DYNC2H1: variants seen among roughly 807,000 people sequenced by gnomAD.
DYNC2H1 encodes the protein cytoplasmic dynein 2 heavy chain 1.
A neutral mutation model predicts 570.0 loss-of-function variants in DYNC2H1; 410 were observed. The observed-to-expected ratio is 0.72, with a 90% CI of 0.66 to 0.78. The LOEUF (loss-of-function observed/expected upper bound fraction) is 0.78, where lower values mean the gene tolerates loss of function less well. DYNC2H1 is among the 30% of genes least tolerant of loss of function. DYNC2H1 has a pLI of 0.00. For missense variants in DYNC2H1, 4,865 were observed against 5,046.4 expected (o/e 0.96, Z 1.09); for synonymous variants, 1,688 against 1,677.6 (o/e 1.01, Z -0.15).
intron 75 of DYNC2H1, among the ~76,000 whole-genome samples, chr11:103,301,526 T>G (rs926167932): frequency 6.6e-5 from 10 of 151,940 alleles, no homozygotes; most frequent in Non-Finnish European, 2.9e-5. Flanking sequence ...TAAATTTAAA[T>G]TGCTAACAAT....
intron 84 of DYNC2H1, among the ~76,000 whole-genome samples, chr11:103,409,957 G>A (rs1342471989): frequency 2.0e-5 from 3 of 151,924 alleles, no homozygotes; most frequent in African/African-American, 7.3e-5. Flanking sequence ...AATTTCCATC[G>A]CCTATACCTT....
At chr11:103,309,205 C>T (rs11225679) in intron 78 of DYNC2H1, among the ~76,000 whole-genome samples, 21,706 of 70,976 alleles carry the variant, frequency 0.31, 2,210 homozygotes, top group Admixed American at 0.46. Flanking sequence ...GATGGGGTCT[C>T]GCTCTGTTAC....
rs886047563 is a variant in DYNC2H1 at position 103,163,033 on chromosome 11, G to A, written c.4497G>A (p.Trp1499Ter). The change falls in exon 30 of 89, where the codon TGG becomes TGA. Residue 1499 changes from tryptophan (W) to a stop codon, truncating the protein, a stop_gained. Transcript: ENST00000375735. LOFTEE classifies it high-confidence loss of function. This position sits in a 1 kb window ranked among gnomAD's most constrained non-coding sequence, Gnocchi z 4.6. ...TTTTCCAATTTCTTTTTCAGACATG[G>A]TTGAATGATTTGGCCTTAGAAATGA... is the stretch of plus-strand genomic sequence containing the variant. The part of the protein sequence containing the change: ...KVPLSNNVET[W>*]LNDLALEMKK... 6.2e-7 allele frequency: 1 copy of A among 1,609,708 alleles called. No individual in the cohort carries two copies. Among genetic ancestry groups the A allele is most frequent in the South Asian group, 1.1e-5 (1 of 90,302 alleles).
At chr11:103,282,250 C>A (rs886302071) in intron 72 of DYNC2H1, 21 bp downstream of exon 72, 1 of 1,603,028 alleles carries the variant, frequency 6.2e-7, no homozygotes, top group Non-Finnish European at 8.5e-7. Flanking sequence ...ATAACAAAAT[C>A]TATTTTGCTC....
chr11:103,141,579 A>T (rs1183932503), intron 17 of DYNC2H1, among the ~76,000 whole-genome samples: 1 of 152,184 alleles, frequency 6.6e-6, no homozygotes, highest in Admixed American at 6.5e-5. Flanking sequence ...GTCTCAGAGG[A>T]GTACCCGGCC....
At chr11:103,225,677 G>A (rs1178444214) in intron 59 of DYNC2H1, among the ~76,000 whole-genome samples, 2 of 152,016 alleles carry the variant, frequency 1.3e-5, no homozygotes, top group Non-Finnish European at 2.9e-5. Flanking sequence ...GTTTGAGGTT[G>A]GGTAATGTGA....
chr11:103,370,902 C>G (rs894472186), intron 83 of DYNC2H1, among the ~76,000 whole-genome samples: 2 of 151,986 alleles, frequency 1.3e-5, no homozygotes, highest in Non-Finnish European at 2.9e-5. Context: ...TCTTCAATGC[C>G]GAGACACCAA....
chr11:103,207,107 A>T (rs548450964), intron 52 of DYNC2H1, among the ~76,000 whole-genome samples: 8 of 151,874 alleles, frequency 5.3e-5, no homozygotes, highest in African/African-American at 1.9e-4. Flanking sequence ...TTTTTAGTAG[A>T]GATGGGTTTC....
In DYNC2H1 at chr11:103,233,924, G is replaced by C. The variant is rs1005630335; in HGVS notation, c.9441-110G>C. ...GATACTTTGTATGCAAACATTAATA[G>C]TATTATCATTAAATTATGGCATAAA... On this transcript the variant is annotated intron_variant, in intron 60 of 88. Transcript: ENST00000375735. 25 of 912,236 alleles carry C rather than the reference G, an allele frequency of 2.7e-5. No individual in the cohort carries two copies. In the South Asian group the frequency reaches 3.9e-4, roughly 14 times the overall value. 56.5% of individuals were successfully genotyped at this position (912,236 alleles called of 1,614,324 possible).
Position 103,177,252 on chromosome 11 carries a change from T to G in DYNC2H1, c.5875-304T>G, listed in dbSNP as rs1310192292. Among the ~76,000 whole-genome samples, 1 of 152,104 alleles carries G rather than the reference T, an allele frequency of 6.6e-6. No individual in the cohort carries two copies. Among genetic ancestry groups the G allele is most frequent in the Non-Finnish European group, 1.5e-5 (1 of 68,020 alleles). ...ATGAATGAATAAGTGAATAAAATAA[T>G]GAATATATTTGAATGAGTGAATGAG... On this transcript the variant is annotated intron_variant, in intron 37 of 88. Coordinates refer to ENST00000375735, the MANE Select transcript of DYNC2H1 (RefSeq NM_001377.3). This position sits in a 1 kb window ranked among gnomAD's most constrained non-coding sequence, Gnocchi z 4.4.
chr11:103,174,471 A>G (rs1430452872), intron 36 of DYNC2H1, among the ~76,000 whole-genome samples: 2 of 152,130 alleles, frequency 1.3e-5, no homozygotes, highest in South Asian at 2.1e-4. Flanking sequence ...GTAATATGTA[A>G]AGTCCACTTG....
At position 103,189,785 on chromosome 11, in the gene DYNC2H1, T is replaced by C; in HGVS notation, c.7406T>C (p.Leu2469Ser). Residue 2469 changes from leucine to serine, a missense_variant, in exon 45 of 89, where the codon TTA (leucine) becomes TCA (serine). By Grantham distance (145) the Leu-to-Ser change is moderately radical. Transcript: ENST00000375735. This position sits in a 1 kb window ranked among gnomAD's most constrained non-coding sequence, Gnocchi z 4.3. ...IWGSSSKIYL[L>S]AGSMVQVYEQ... The stretch of plus-strand genomic sequence containing the variant: ...GGTTCTTCATCAAAAATTTATCTTT[T>C]AGCAGGATCTATGGTACAAGTGTAT... 1 of 1,611,448 alleles carries C rather than the reference T, an allele frequency of 6.2e-7. No homozygotes were observed. Among genetic ancestry groups the C allele is most frequent in the Non-Finnish European group, 8.5e-7 (1 of 1,179,154 alleles).
intron 83 of DYNC2H1, among the ~76,000 whole-genome samples, chr11:103,393,387 G>A (rs767377975): frequency 2.6e-5 from 4 of 152,064 alleles, no homozygotes; most frequent in Non-Finnish European, 5.9e-5. Flanking sequence ...CATTCCTCAG[G>A]CCAAATTATG....
chr11:103,392,196 A>G (rs141275511), intron 83 of DYNC2H1, among the ~76,000 whole-genome samples: 2,765 of 152,306 alleles, frequency 0.018, 34 homozygotes, highest in Non-Finnish European at 0.027. Context: ...AGCCTGGGCA[A>G]TGGCGGGCGC....
Position 103,393,829 on chromosome 11 carries a change from G to C in DYNC2H1, c.12157-5834G>C, listed in dbSNP as rs191426802. On this transcript the variant is annotated intron_variant, in intron 83 of 88. Coordinates refer to ENST00000375735, the MANE Select transcript of DYNC2H1 (RefSeq NM_001377.3). ...ATGGCGGAAGGCGAGGAGGAGTTAAGTCACTTCTTATGTGGATGCGGGCAG... is the reference window on the plus strand; with the variant it reads ...ATGGCGGAAGGCGAGGAGGAGTTAACTCACTTCTTATGTGGATGCGGGCAG... 3.3e-3 allele frequency among the ~76,000 whole-genome samples: 508 copies of C among 152,322 alleles called. 1 individual carries two copies. The highest frequency in any genetic ancestry group is 0.027 in the Middle Eastern group (8 of 294).
chr11:103,113,837 CTT>C, intron 2 of DYNC2H1, 130 bp downstream of exon 2: 1 of 874,094 alleles, frequency 1.1e-6, no homozygotes, highest in South Asian at 3.1e-5. Flanking sequence ...CTTTTCTTAA[CTT>C]TTTTTAACTT....
chr11:103,270,536 A>G (rs1411442598), intron 70 of DYNC2H1, among the ~76,000 whole-genome samples: 1 of 151,998 alleles, frequency 6.6e-6, no homozygotes, highest in Non-Finnish European at 1.5e-5. Flanking sequence ...AAATAGAACA[A>G]TTGTAACAAT....
At chr11:103,292,595 G>C (rs1327837788) in intron 75 of DYNC2H1, among the ~76,000 whole-genome samples, 2 of 152,184 alleles carry the variant, frequency 1.3e-5, no homozygotes, top group African/African-American at 4.8e-5. Context: ...CCCAGTGTTG[G>C]AGGTGGGGCC....
At chr11:103,476,292 A>T (rs1040724997) in intron 88 of DYNC2H1, among the ~76,000 whole-genome samples, 2 of 152,186 alleles carry the variant, frequency 1.3e-5, no homozygotes, top group African/African-American at 2.4e-5. Context: ...TCTCTCCATG[A>T]ATCACTGTTA....
Sources: allele counts gnomAD v4.1 joint callset (sites outside exome capture counted in the v4.1 genomes callset), GRCh38; gene constraint gnomAD v4.1.1; non-coding constraint Gnocchi (gnomAD v3.1); transcripts MANE v1.5; gene names NCBI Gene and HGNC (gene_info 2026-07-23, HGNC 2026-07-21).